WDR73: variants seen among roughly 807,000 people sequenced by gnomAD.
WDR73 encodes the protein integrator complex assembly factor WDR73.
A neutral mutation model predicts 38.2 loss-of-function variants in WDR73; 30 were observed. That is an observed-to-expected ratio of 0.79 (90% confidence interval 0.59 to 1.06). WDR73 has a LOEUF of 1.06. Ranked by LOEUF, WDR73 falls within the 50% of genes least tolerant of loss-of-function variation. The probability of loss-of-function intolerance (pLI) is 0.00; values close to 1 mark genes in which losing one functional copy is unlikely to be tolerated. For synonymous variants in WDR73, 197 were observed against 176.0 expected, an observed-to-expected ratio of 1.12 and a Z score of -0.94; for missense variants, 487 against 467.0, an observed-to-expected ratio of 1.04 and a Z score of -0.40.
rs758272450 is a variant in WDR73 at position 84,647,990 on chromosome 15, G to A, written c.288-36C>T. 6 of 1,600,260 alleles carry A rather than the reference G, an allele frequency of 3.7e-6. No individual in the cohort carries two copies. In the African/African-American group the frequency reaches 5.4e-5, roughly 14 times the overall value. On this transcript the variant is annotated intron_variant, in intron 4 of 7. Transcript: ENST00000434634. The stretch of plus-strand genomic sequence containing the variant: ...AAGACAAAATCAGTCCAGACCATGG[G>A]GAGCTTATCCACACAGGTCCCTTCC...
chr15:84,646,240 C>T lies in WDR73; in HGVS notation c.461G>A (p.Arg154Lys), dbSNP rs749134184. Residue 154 changes from arginine to lysine, a missense_variant, in exon 6 of 8, where the codon AGG becomes AAG. Physicochemically the swap from Arg to Lys is conservative, Grantham distance 26. Transcript: ENST00000434634. ...ATCAACGACCTGCAGACTTCGGAGC[C>T]TCGCCCCATGGAGGACTCCGGGTGC... is the stretch of plus-strand genomic sequence containing the variant. ...TLAPGVLHGA[R>K]LRSLQVVDLE... is the part of the protein sequence containing the mutation. 4 of 1,613,910 alleles carry T rather than the reference C, an allele frequency of 2.5e-6. No homozygotes were observed. The South Asian group carries it at 4.4e-5, about 18-fold the overall frequency.
rs750338466 is a variant in WDR73 at position 84,653,636 on chromosome 15, GTCA to G, written c.102_104del (p.Asp35del). 166 of 1,588,806 alleles carry G rather than the reference GTCA, an allele frequency of 1.0e-4. No individual in the cohort carries two copies. Among genetic ancestry groups the G allele is most frequent in the Non-Finnish European group, 1.3e-4 (157 of 1,166,908 alleles). On this transcript the variant is annotated inframe_deletion, in exon 2 of 8. Transcript: ENST00000434634. ...AGGGCTAGAAAGGTATACCACCTTT[GTCA>G]TCAATCCATTCAAGGACTCGAGTGG...
chr15:84,646,313 C>A lies in WDR73; in HGVS notation c.388G>T (p.Glu130Ter), dbSNP rs1395908764. 1 of 1,613,782 alleles carries A rather than the reference C, an allele frequency of 6.2e-7. No homozygotes were observed. Among genetic ancestry groups the A allele is most frequent in the Non-Finnish European group, 8.5e-7 (1 of 1,179,856 alleles). ...IKAVSTIAVH[E>*]KEESLWPRVA... ...CTAGGCCAGAGACTCTCCTCTTTCTCATGCACAGCAATGGTGCTGACAGCT... is the reference window on the plus strand; with the variant it reads ...CTAGGCCAGAGACTCTCCTCTTTCTAATGCACAGCAATGGTGCTGACAGCT... The change falls in exon 6 of 8, where the codon GAG becomes TAG. Residue 130 changes from glutamate to a stop codon, truncating the protein, a stop_gained. Transcript: ENST00000434634. LOFTEE classifies it high-confidence loss of function.
At position 84,646,292 on chromosome 15, in the gene WDR73, G is replaced by A; in HGVS notation, c.409C>T (p.Pro137Ser). ...AVHEKEESLWPRVAVFSTLAP... is the reference protein window; with the variant it reads ...AVHEKEESLWSRVAVFSTLAP... ...AATGTGGAGAAGACGGCCACCCTAGGCCAGAGACTCTCCTCTTTCTCATGC... is the reference window on the plus strand; with the variant it reads ...AATGTGGAGAAGACGGCCACCCTAGACCAGAGACTCTCCTCTTTCTCATGC... The change falls in exon 6 of 8, where the codon CCT becomes TCT. Residue 137 changes from proline to serine, a missense_variant. By Grantham distance (74) the Pro-to-Ser change is moderately conservative (BLOSUM62 -1). Transcript: ENST00000434634. 1 of 1,613,938 alleles carries A rather than the reference G, an allele frequency of 6.2e-7. No individual in the cohort carries two copies. Among genetic ancestry groups the A allele is most frequent in the East Asian group, 2.2e-5 (1 of 44,882 alleles).
intron 3 of WDR73, among the ~76,000 whole-genome samples, chr15:84,649,709 A>G (rs1221547129): frequency 6.6e-6 from 1 of 152,064 alleles, no homozygotes; most frequent in Non-Finnish European, 1.5e-5. Context: ...ACCTCAGGTG[A>G]TCCGCCTGCC....
chr15:84,648,274 T>C (rs1896523908), intron 4 of WDR73: 2 of 585,454 alleles, frequency 3.4e-6, no homozygotes, highest in Non-Finnish European at 3.0e-6. Context: ...AGAGCATCTT[T>C]CTGTCCCGTA....
At position 84,653,661 on chromosome 15, in the gene WDR73, G is replaced by A. The variant is rs1896695427; in HGVS notation, c.80C>T (p.Thr27Ile). ...GTCATCAATCCATTCAAGGACTCGA[G>A]TGGCTCCTGACAGGTCGAATGCATA... Reference protein sequence around the residue: ...DFYAFDLSGATRVLEWIDDKG... With the variant: ...DFYAFDLSGAIRVLEWIDDKG... Residue 27 changes from threonine (T) to isoleucine (I), a missense_variant, in exon 2 of 8, where the codon ACT becomes ATT. Coordinates refer to ENST00000434634, the MANE Select transcript of WDR73 (RefSeq NM_032856.5). The A allele has an allele frequency of 1.3e-6, 2 of 1,596,290 alleles. No homozygotes were observed. Among genetic ancestry groups the A allele is most frequent in the Non-Finnish European group, 1.7e-6 (2 of 1,171,194 alleles).
At chr15:84,650,681 G>C (rs1896594957) in intron 3 of WDR73, among the ~76,000 whole-genome samples, 1 of 152,098 alleles carries the variant, frequency 6.6e-6, no homozygotes, top group African/African-American at 2.4e-5. Flanking sequence ...TTTTAGTAGA[G>C]ATGGGGTTTC....
chr15:84,640,291 G>C lies in WDR73; in HGVS notation c.*3179C>G, dbSNP rs1364911577. ...GCTCTGTTATGACTAATTTGGGTCTGGAATGGCCTCATCGGGGGAAAAATT... is the reference window on the plus strand; with the variant it reads ...GCTCTGTTATGACTAATTTGGGTCTCGAATGGCCTCATCGGGGGAAAAATT... On this transcript the variant is annotated 3_prime_UTR_variant, in exon 8 of 8. Coordinates refer to ENST00000434634, the MANE Select transcript of WDR73 (RefSeq NM_032856.5). The C allele has an allele frequency of 1.3e-5, 2 of 152,180 alleles. No individual in the cohort carries two copies. The highest frequency in any genetic ancestry group is 3.8e-4 in the East Asian group (2 of 5,200). 9.4% of individuals were successfully genotyped at this position (152,180 alleles called of 1,614,324 possible).
rs1896432430 is a variant in WDR73 at position 84,645,728 on chromosome 15, C to T, written c.626G>A (p.Trp209Ter). 1 of 1,610,494 alleles carries T rather than the reference C, an allele frequency of 6.2e-7. No individual in the cohort carries two copies. Among genetic ancestry groups the T allele is most frequent in the Admixed American group, 1.7e-5 (1 of 59,348 alleles). Reference sequence around the variant, plus strand: ...AGGGCTGCGATTCTCCAACGGTGCCCACTTCTGCCGGGTGTCAACAAGCCC... The same window carrying T: ...AGGGCTGCGATTCTCCAACGGTGCCTACTTCTGCCGGGTGTCAACAAGCCC... Reference protein sequence around the residue: ...RLGLVDTRQKWAPLENRSPGP... With the variant: ...RLGLVDTRQK The change falls in exon 7 of 8, where the codon TGG becomes TAG. Residue 209 changes from tryptophan to a stop codon, truncating the protein, a stop_gained. Transcript: ENST00000434634. LOFTEE classifies it high-confidence loss of function.
At chr15:84,648,496 C>T in intron 4 of WDR73, 41 bp downstream of exon 4, 1 of 1,456,446 alleles carries the variant, frequency 6.9e-7, no homozygotes, top group Non-Finnish European at 9.6e-7. Context: ...GCCATCCCAT[C>T]CCATCCTGTG....
chr15:84,648,085 C>A, intron 4 of WDR73, 131 bp from the exon 5 acceptor site: 3 of 777,400 alleles, frequency 3.9e-6, no homozygotes, highest in Non-Finnish European at 6.7e-6. Context: ...ATCATCAAGG[C>A]CAACCACCCT....
rs1478194804 is a variant in WDR73 at position 84,645,496 on chromosome 15, G to C, written c.858C>G (p.Gly286=). The part of the protein sequence containing the change: ...PELLRVTWAP[G]LKNCLAISGF... ...CTGAGATGGCCAAGCAATTCTTCAG[G>C]CCTGGGGCCCAAGTCACTCGCAGCA... The change falls in exon 7 of 8, where the codon GGC becomes GGG. Residue 286 remains glycine, a synonymous_variant. Coordinates refer to ENST00000434634, the MANE Select transcript of WDR73 (RefSeq NM_032856.5). 5.6e-6 allele frequency: 9 copies of C among 1,612,426 alleles called. No individual in the cohort carries two copies. Among genetic ancestry groups the C allele is most frequent in the Non-Finnish European group, 4.2e-6 (5 of 1,179,180 alleles).
At position 84,652,996 on chromosome 15, in the gene WDR73, G is replaced by A; in HGVS notation, c.110-194C>T. ...TGCAGTGGTCCGATCACAGCTCACT[G>A]CAGCCTCAACCTGCCAGGCTCAAGT... On this transcript the variant is annotated intron_variant, in intron 2 of 7. Coordinates refer to ENST00000434634, the MANE Select transcript of WDR73 (RefSeq NM_032856.5). The A allele has an allele frequency of 8.8e-6, 4 of 453,740 alleles. No individual in the cohort carries two copies. In the South Asian group the frequency reaches 1.7e-4, roughly 20 times the overall value. 28.1% of individuals were successfully genotyped at this position (453,740 alleles called of 1,614,324 possible). A position where few individuals can be genotyped will look rare whatever the true frequency, so the allele number is the denominator to read the frequency against.
At chr15:84,648,797 G>A (rs754842655) in intron 3 of WDR73, among the ~76,000 whole-genome samples, 172 bp from the exon 4 acceptor site, 2 of 152,174 alleles carry the variant, frequency 1.3e-5, no homozygotes, top group South Asian at 2.1e-4. Flanking sequence ...CTGCCTACAC[G>A]TACAGCTTCC....
chr15:84,650,056 A>T (rs1483943054), intron 3 of WDR73, among the ~76,000 whole-genome samples: 1 of 152,224 alleles, frequency 6.6e-6, no homozygotes, highest in African/African-American at 2.4e-5. Flanking sequence ...ACTGGGCCAC[A>T]TCTGCATGGG....
Position 84,640,254 on chromosome 15 carries a change from AT to A in WDR73, c.*3215del, listed in dbSNP as rs1201174611. On this transcript the variant is annotated 3_prime_UTR_variant, in exon 8 of 8. Transcript: ENST00000434634. ...TTCAGGCTCAGAATCAGGAGATGTG[AT>A]TATTGTCCTGGCTCTGTTATGACTA... The A allele has an allele frequency of 1.3e-5, 2 of 152,184 alleles. No individual in the cohort carries two copies. Among genetic ancestry groups the A allele is most frequent in the Admixed American group, 6.5e-5 (1 of 15,278 alleles). 9.4% of individuals were successfully genotyped at this position (152,184 alleles called of 1,614,324 possible).
chr15:84,652,525 TA>T (rs1896656143), intron 3 of WDR73, among the ~76,000 whole-genome samples, 188 bp downstream of exon 3: 1 of 152,226 alleles, frequency 6.6e-6, no homozygotes, highest in East Asian at 1.9e-4. Flanking sequence ...TAGCCCTCTG[TA>T]AACCACGAGA....
chr15:84,650,934 C>T (rs1363975302), intron 3 of WDR73, among the ~76,000 whole-genome samples: 1 of 151,852 alleles, frequency 6.6e-6, no homozygotes, highest in African/African-American at 2.4e-5. Context: ...AACAGCTTGG[C>T]AAGACCCCGT....
Sources: allele counts gnomAD v4.1 joint callset (sites outside exome capture counted in the v4.1 genomes callset), GRCh38; gene constraint gnomAD v4.1.1; transcripts MANE v1.5; gene names NCBI Gene and HGNC (gene_info 2026-07-23, HGNC 2026-07-21).